The following KCND1 variants were observed in gnomAD, a reference collection of about 807,000 sequenced individuals.
The protein encoded by KCND1 is potassium voltage-gated channel subfamily D member 1, also known as A-type voltage-gated potassium channel KCND1.
In KCND1, 11 loss-of-function variants were observed where a neutral mutation model predicts 31.8. The observed-to-expected ratio is 0.35, with a 90% CI of 0.22 to 0.57. The LOEUF (loss-of-function observed/expected upper bound fraction) is 0.57. Among genes scored for constraint, KCND1 ranks in the 20% least tolerant of loss-of-function variants. The pLI, the probability that KCND1 is intolerant of heterozygous loss-of-function variation, is 0.85. For missense variants in KCND1, 471 were observed against 596.8 expected (o/e 0.79, Z 2.20); for synonymous variants, 234 against 248.1 (o/e 0.94, Z 0.53).
Position 48,967,068 on chromosome X carries a change from A to G in KCND1, c.1160T>C (p.Ile387Thr). Reference sequence around the variant, plus strand: ...ACTGAGTGAGCAGATGGACCCGAAAATCTTGCCAGCAATGGTGCTGGGCAC... The same window carrying G: ...ACTGAGTGAGCAGATGGACCCGAAAGTCTTGCCAGCAATGGTGCTGGGCAC... ...DMVPSTIAGK[I>T]FGSICSLSGV... The change falls in exon 2 of 6, where the codon ATT (isoleucine) becomes ACT (threonine). Residue 387 changes from isoleucine to threonine, a missense_variant. This residue lies in a region of KCND1 where 74 missense variants were observed against 154.2 expected (regional missense o/e 0.48). Transcript: ENST00000218176. The G allele has an allele frequency of 8.3e-7, 1 of 1,210,606 alleles. No homozygotes were observed. The highest frequency in any genetic ancestry group is 1.1e-6 in the Non-Finnish European group (1 of 895,155).
chrX:48,966,237 G>A lies in KCND1; in HGVS notation c.1536C>T (p.Thr512=). Residue 512 remains threonine, a synonymous_variant, in exon 5 of 6, where the codon ACC becomes ACT. Coordinates refer to ENST00000218176, the MANE Select transcript of KCND1 (RefSeq NM_004979.6). ...GGGAAGACACAGAGGTGCTACGGCT[G>A]GTGCGGCCACCCGGCGAGACGGCTC... ...ALGAVSPGGR[T]SRSTSVSSQP... The A allele has an allele frequency of 8.3e-7, 1 of 1,202,824 alleles. No homozygotes were observed. Among genetic ancestry groups the A allele is most frequent in the Non-Finnish European group, 1.1e-6 (1 of 891,843 alleles).
rs2064322273 is a variant in KCND1, at chrX:48,961,956, T to C, written c.*625A>G. The C allele has an allele frequency of 8.9e-6, 1 of 112,977 alleles. No homozygotes were observed. The highest frequency in any genetic ancestry group is 1.9e-5 in the Non-Finnish European group (1 of 53,340). The allele number at this position is 112,977 out of a possible 1,213,427, so 9.3% of individuals were successfully genotyped here. ...TTCCAGCAGCCAGGGAAGGGGATGG[T>C]AGAATTTGTGCTATCTGAGTGTGTG... On this transcript the variant is annotated 3_prime_UTR_variant, in exon 6 of 6. Transcript: ENST00000218176.
At chrX:48,963,461 A>T (rs1431051744) in intron 5 of KCND1, among the ~76,000 whole-genome samples, 1 of 110,457 alleles carries the variant, frequency 9.1e-6, no homozygotes, top group Non-Finnish European at 1.9e-5. Context: ...AAAAAAAAAA[A>T]ATTAATACTT....
Position 48,969,675 on chromosome X carries a change from C to T in KCND1, c.597G>A (p.Ser199=), listed in dbSNP as rs1557058550. Residue 199 remains serine, a synonymous_variant, in exon 1 of 6, where the codon TCG becomes TCA. Coordinates refer to ENST00000218176, the MANE Select transcript of KCND1 (RefSeq NM_004979.6). Reference sequence around the variant, plus strand: ...TGGTCTCCACCACATTGGCGATGACCGACACGGCGATGAAGAAGCCGGTCA... The same window carrying T: ...TGGTCTCCACCACATTGGCGATGACTGACACGGCGATGAAGAAGCCGGTCA... The part of the protein sequence containing the change: ...YYVTGFFIAV[S]VIANVVETIP... 1.2e-5 allele frequency: 15 copies of T among 1,208,721 alleles called. No individual in the cohort carries two copies. The South Asian group carries it at 1.6e-4, about 13-fold the overall frequency.
In KCND1 at chrX:48,970,359, A is replaced by T. The variant is rs1557058801; in HGVS notation, c.-88T>A. ...TCCAGGATGGTGGGGGCTTGGAGAC[A>T]CCTTGAGCCACCCAAACAAGGAAAC... On this transcript the variant is annotated 5_prime_UTR_variant, in exon 1 of 6. Transcript: ENST00000218176. 1 of 878,134 alleles carries T rather than the reference A, an allele frequency of 1.1e-6. No individual in the cohort carries two copies. The highest frequency in any genetic ancestry group is 1.6e-6 in the Non-Finnish European group (1 of 643,967). The allele number at this position is 878,134 out of a possible 1,213,427, so 72.4% of individuals were successfully genotyped here.
chrX:48,969,703 T>C lies in KCND1; in HGVS notation c.569A>G (p.Tyr190Cys). ...CACGGCGATGAAGAAGCCGGTCACATAGTAGAAAACGAGGGCTGCGGTGCT... is the reference window on the plus strand; with the variant it reads ...CACGGCGATGAAGAAGCCGGTCACACAGTAGAAAACGAGGGCTGCGGTGCT... ...HTSTAALVFY[Y>C]VTGFFIAVSV... Residue 190 changes from tyrosine to cysteine, a missense_variant, in exon 1 of 6, where the codon TAT becomes TGT. This residue lies in a region of KCND1 where 212 missense variants were observed against 257.9 expected (regional missense o/e 0.82). Coordinates refer to ENST00000218176, the MANE Select transcript of KCND1 (RefSeq NM_004979.6). 2.5e-6 allele frequency: 3 copies of C among 1,209,143 alleles called. No individual in the cohort carries two copies. The highest frequency in any genetic ancestry group is 3.4e-6 in the Non-Finnish European group (3 of 894,576).
In KCND1 at chrX:48,969,107, G is replaced by A. The variant is rs781867383; in HGVS notation, c.1121+44C>T. 3.6e-5 allele frequency: 41 copies of A among 1,141,933 alleles called. No homozygotes were observed. In the Admixed American group the frequency reaches 1.1e-3, roughly 31 times the overall value. The allele number at this position is 1,141,933 out of a possible 1,213,427, so 94.1% of individuals were successfully genotyped here. A position where few individuals can be genotyped will look rare whatever the true frequency, so the allele number is the denominator to read the frequency against. On this transcript the variant is annotated intron_variant, in intron 1 of 5. Transcript: ENST00000218176. ...TTAAACTTCCTAATTTTACAGAAAG[G>A]GTGAGTGTAATCGGGCAGCCCCCAA...
Position 48,962,527 on chromosome X carries a change from T to A in KCND1, c.*54A>T. The stretch of plus-strand genomic sequence containing the variant: ...TCTCTGCCTCCCAAAAATATGGCTT[T>A]GGAAAGGAGTTCCCAAAAATGAAGA... On this transcript the variant is annotated 3_prime_UTR_variant, in exon 6 of 6. Transcript: ENST00000218176. The A allele has an allele frequency of 1.0e-6, 1 of 981,199 alleles. No homozygotes were observed. Among genetic ancestry groups the A allele is most frequent in the Non-Finnish European group, 1.4e-6 (1 of 713,938 alleles). The allele number at this position is 981,199 out of a possible 1,213,427, so 80.9% of individuals were successfully genotyped here.
rs2147725994 is a variant in KCND1 at position 48,971,502 on chromosome X, G to T, written c.-1231C>A. 1 of 113,115 alleles carries T rather than the reference G, an allele frequency of 8.8e-6. No individual in the cohort carries two copies. The highest frequency in any genetic ancestry group is 3.7e-4 in the South Asian group (1 of 2,668). 9.3% of individuals were successfully genotyped at this position (113,115 alleles called of 1,213,427 possible). Reference sequence around the variant, plus strand: ...GGGCTGGCGGTGTGTACTGGGCAGTGGCAGTAGCAGCAGCGGCAGCAGGAG... The same window carrying T: ...GGGCTGGCGGTGTGTACTGGGCAGTTGCAGTAGCAGCAGCGGCAGCAGGAG... On this transcript the variant is annotated 5_prime_UTR_variant, in exon 1 of 6. Transcript: ENST00000218176.
rs2064377238 is a variant in KCND1 at position 48,969,969 on chromosome X, C to A, written c.303G>T (p.Gly101=). 2 of 1,211,478 alleles carry A rather than the reference C, an allele frequency of 1.7e-6. No homozygotes were observed. Among genetic ancestry groups the A allele is most frequent in the East Asian group, 5.9e-5 (2 of 33,853 alleles). Residue 101 remains glycine, a synonymous_variant, in exon 1 of 6, where the codon GGG becomes GGT. Transcript: ENST00000218176. ...ACTCCTGCCGTGGGCAATGCAGCCGCCCCGTTCGGTAGAAGTTCAGCACAT... is the reference window on the plus strand; with the variant it reads ...ACTCCTGCCGTGGGCAATGCAGCCGACCCGTTCGGTAGAAGTTCAGCACAT... ...FRHVLNFYRT[G]RLHCPRQECI... is the part of the protein sequence containing the mutation.
chrX:48,965,368 C>A (rs1435550409), intron 5 of KCND1, among the ~76,000 whole-genome samples: 1 of 111,702 alleles, frequency 9.0e-6, no homozygotes, highest in Non-Finnish European at 1.9e-5. Context: ...TGCTTTCTAG[C>A]CCCCATCCCT....
intron 5 of KCND1, among the ~76,000 whole-genome samples, chrX:48,963,666 G>A (rs782161558): frequency 2.9e-4 from 32 of 110,928 alleles, no homozygotes; most frequent in South Asian, 7.6e-4. Flanking sequence ...AGCATGGGAC[G>A]AACACTATCT....
intron 5 of KCND1, among the ~76,000 whole-genome samples, chrX:48,965,343 G>A (rs974836645): frequency 1.8e-5 from 2 of 111,728 alleles, no homozygotes; most frequent in African/African-American, 6.5e-5. Context: ...GAGCCACTGC[G>A]CCCGGCCTGC....
chrX:48,967,272 G>A (rs1261194453), intron 1 of KCND1, 166 bp from the exon 2 acceptor site: 2 of 454,530 alleles, frequency 4.4e-6, no homozygotes, highest in Non-Finnish European at 7.5e-6. Context: ...GGCCAAGTGA[G>A]AAATGGGCCT....
Position 48,967,064 on chromosome X carries a change from G to A in KCND1, c.1164C>T (p.Phe388=), listed in dbSNP as rs202089522. 7.3e-5 allele frequency: 88 copies of A among 1,207,718 alleles called. No individual in the cohort carries two copies. Among genetic ancestry groups the A allele is most frequent in the Middle Eastern group, 4.6e-4 (2 of 4,350 alleles). ...MVPSTIAGKI[F]GSICSLSGVL... ...CGCCACTGAGTGAGCAGATGGACCC[G>A]AAAATCTTGCCAGCAATGGTGCTGG... Residue 388 remains phenylalanine, a synonymous_variant, in exon 2 of 6, where the codon TTC becomes TTT. Transcript: ENST00000218176.
At chrX:48,967,687 T>C (rs1298334898) in intron 1 of KCND1, 1 of 110,425 alleles carries the variant, frequency 9.1e-6, no homozygotes, top group Non-Finnish European at 1.9e-5. Context: ...TCAGGGAGAT[T>C]CTGTAACTGA....
intron 3 of KCND1, 33 bp from the exon 4 acceptor site, chrX:48,966,709 C>T (rs1382772117): frequency 1.7e-6 from 2 of 1,197,583 alleles, no homozygotes; most frequent in Middle Eastern, 2.3e-4. Flanking sequence ...ATAAGGGCAG[C>T]ACCTTCCTCC....
At chrX:48,963,243 T>C (rs1293127467) in intron 5 of KCND1, among the ~76,000 whole-genome samples, 7 of 109,712 alleles carry the variant, frequency 6.4e-5, no homozygotes, top group Non-Finnish European at 9.5e-5. Context: ...ATCAGGAGAT[T>C]GAGACCATCC....
At chrX:48,966,706 C>T (rs1557058070) in intron 3 of KCND1, 30 bp from the exon 4 acceptor site, 4 of 1,199,992 alleles carry the variant, frequency 3.3e-6, no homozygotes, top group Non-Finnish European at 4.5e-6. Flanking sequence ...GCGATAAGGG[C>T]AGCACCTTCC....
Sources: gnomAD v4.1 joint callset for allele counts (sites outside exome capture counted in the v4.1 genomes callset) on GRCh38, gnomAD v4.1.1 for gene constraint, gnomAD v4.1.1 regional missense constraint, MANE v1.5 for transcripts, NCBI Gene and HGNC (gene_info 2026-07-23, HGNC 2026-07-21) for gene names.